The following COL26A1 variants were observed in gnomAD, a reference collection of about 807,000 sequenced individuals.
COL26A1 encodes the protein collagen type XXVI alpha 1 chain.
Under a neutral mutation model 59.3 loss-of-function variants are expected in COL26A1, and 41 were observed. The observed-to-expected ratio is 0.69, with a 90% CI of 0.54 to 0.90. COL26A1 has a LOEUF of 0.90. COL26A1 is among the 40% of genes least tolerant of loss of function. The probability of loss-of-function intolerance (pLI) is 0.00; values close to 1 mark genes in which losing one functional copy is unlikely to be tolerated. For synonymous variants in COL26A1, 266 were observed against 256.0 expected, an observed-to-expected ratio of 1.04 and a Z score of -0.37; for missense variants, 612 against 602.3, an observed-to-expected ratio of 1.02 and a Z score of -0.17.
At chr7:101,433,927 A>T (rs1283411749) in intron 2 of COL26A1, among the ~76,000 whole-genome samples, 1 of 152,112 alleles carries the variant, frequency 6.6e-6, no homozygotes, top group Non-Finnish European at 1.5e-5. Context: ...TGAGGTGCTC[A>T]ACAATGTTCA....
At chr7:101,383,880 G>A (rs1394959829) in intron 1 of COL26A1, among the ~76,000 whole-genome samples, 1 of 152,114 alleles carries the variant, frequency 6.6e-6, no homozygotes, top group South Asian at 2.1e-4. Context: ...ATGTTGGTCA[G>A]GCTGGTCTCA....
At chr7:101,386,072 G>A (rs1181704666) in intron 1 of COL26A1, among the ~76,000 whole-genome samples, 1 of 152,102 alleles carries the variant, frequency 6.6e-6, no homozygotes, top group Non-Finnish European at 1.5e-5. Context: ...TCAAAACCTT[G>A]TTGAGTTTCA....
intron 1 of COL26A1, among the ~76,000 whole-genome samples, chr7:101,401,536 GGAGGAA>G (rs1471834542): frequency 3.3e-5 from 5 of 150,114 alleles, no homozygotes; most frequent in Admixed American, 1.3e-4. Flanking sequence ...AAGAGAAGGA[GGAGGAA>G]GAGGAAGAGT....
intron 3 of COL26A1, among the ~76,000 whole-genome samples, chr7:101,528,901 C>T (rs949726180): frequency 6.6e-6 from 1 of 152,156 alleles, no homozygotes; most frequent in Non-Finnish European, 1.5e-5. Context: ...TGCTGTGGCT[C>T]ACGCCTGTCA....
At chr7:101,496,700 A>G (rs1329616084) in intron 3 of COL26A1, among the ~76,000 whole-genome samples, 1 of 152,166 alleles carries the variant, frequency 6.6e-6, no homozygotes, top group Non-Finnish European at 1.5e-5. Context: ...AGGCTGGCCA[A>G]CATGGCAAAA....
chr7:101,499,896 A>AAAAAAG (rs35819045), intron 3 of COL26A1, among the ~76,000 whole-genome samples: 1 of 141,172 alleles, frequency 7.1e-6, no homozygotes, highest in Non-Finnish European at 1.5e-5. Flanking sequence ...AAAAAAAAAA[A>AAAAAAG]CACCTTTGTT....
chr7:101,373,675 C>A (rs968066158), intron 1 of COL26A1, among the ~76,000 whole-genome samples: 1 of 152,126 alleles, frequency 6.6e-6, no homozygotes, highest in African/African-American at 2.4e-5. Context: ...TTTAGGGGAA[C>A]CATGGAGACT....
At chr7:101,506,518 C>G (rs114692424) in intron 3 of COL26A1, among the ~76,000 whole-genome samples, 1,536 of 152,342 alleles carry the variant, frequency 0.01, 35 homozygotes, top group African/African-American at 0.035. Flanking sequence ...CTCCAGGGAG[C>G]TGAGAGGGGC....
intron 2 of COL26A1, among the ~76,000 whole-genome samples, chr7:101,429,589 C>CTTTTTTTTTTATTTTTTTTT (rs1792729919): frequency 1.3e-5 from 1 of 78,700 alleles, no homozygotes; most frequent in Admixed American, 1.8e-4. Context: ...TTCTTTTTTA[C>CTTTTTTTTTTATTTTTTTTT]TTTTTTTTTT....
chr7:101,502,236 G>A, intron 3 of COL26A1, among the ~76,000 whole-genome samples: 1 of 152,172 alleles, frequency 6.6e-6, no homozygotes, highest in East Asian at 1.9e-4. Flanking sequence ...CAGCTACTCA[G>A]GAGGCTGAGG....
chr7:101,482,830 G>A (rs761662325), intron 3 of COL26A1, among the ~76,000 whole-genome samples: 2 of 152,176 alleles, frequency 1.3e-5, no homozygotes, highest in African/African-American at 2.4e-5. Context: ...GTTGGCACAC[G>A]CTTGTAATCC....
intron 1 of COL26A1, among the ~76,000 whole-genome samples, chr7:101,385,478 C>T (rs1791551560): frequency 6.6e-6 from 1 of 151,452 alleles, no homozygotes; most frequent in Non-Finnish European, 1.5e-5. Flanking sequence ...TCAAGTGATT[C>T]TCCTGCCTCA....
rs751175575 is a variant in COL26A1, at chr7:101,555,789, C to G, written c.1083C>G (p.Gly361=). 1 of 1,608,216 alleles carries G rather than the reference C, an allele frequency of 6.2e-7. No homozygotes were observed. The highest frequency in any genetic ancestry group is 2.2e-5 in the East Asian group (1 of 44,762). The change falls in exon 12 of 13, where the codon GGC becomes GGG. Residue 361 remains glycine, a splice_region_variant and synonymous_variant. Coordinates refer to ENST00000313669, the MANE Select transcript of COL26A1 (RefSeq NM_001278563.3). The part of the protein sequence containing the change: ...EEGEKAATAE[G]EGVQQLREAL... ...CCTGCCTGTTTCCTCCCCGCCAGGG[C>G]GAGGGGGTGCAGCAGCTGAGAGAGG...
chr7:101,497,360 G>A (rs535183332), intron 3 of COL26A1, among the ~76,000 whole-genome samples: 6 of 152,228 alleles, frequency 3.9e-5, no homozygotes, highest in Admixed American at 2.0e-4. Context: ...AAACCCAGGC[G>A]CTGGGCTGAG....
In COL26A1 at chr7:101,455,061, G is replaced by A. The variant is rs1163197552; in HGVS notation, c.385+7274G>A. ...TTTATCTTTTTTTTTTTTTTTTTTT[G>A]AGATAGAGTTCTGCTCTGTCACCCA... is the stretch of plus-strand genomic sequence containing the variant. On this transcript the variant is annotated intron_variant, in intron 3 of 12. Transcript: ENST00000313669. 4.2e-5 allele frequency among the ~76,000 whole-genome samples: 3 copies of A among 70,952 alleles called. No individual in the cohort carries two copies. In the South Asian group the frequency reaches 1.3e-3, roughly 32 times the overall value. 46.5% of individuals were successfully genotyped at this position (70,952 alleles called of 152,430 possible). A position where few individuals can be genotyped will look rare whatever the true frequency, so the allele number is the denominator to read the frequency against.
At chr7:101,499,411 G>A (rs528016586) in intron 3 of COL26A1, among the ~76,000 whole-genome samples, 4 of 152,070 alleles carry the variant, frequency 2.6e-5, no homozygotes, top group Admixed American at 6.5e-5. Context: ...GGCCGGGTGC[G>A]GTGGCTCACA....
chr7:101,533,138 G>A lies in COL26A1; in HGVS notation c.442G>A (p.Ala148Thr). The A allele has an allele frequency of 1.2e-6, 2 of 1,603,238 alleles. No homozygotes were observed. The highest frequency in any genetic ancestry group is 8.5e-7 in the Non-Finnish European group (1 of 1,176,150). The change falls in exon 4 of 13, where the codon GCC (alanine) becomes ACC (threonine). Residue 148 changes from alanine (A) to threonine (T), a missense_variant. Transcript: ENST00000313669. ...GAGTGAGCGACTGACCACACTGGAG[G>A]CCAAGGTCAGTCGGGCTGGGGAGTC... ...DMSERLTTLE[A>T]KVLLLEAAER...
At chr7:101,500,959 G>A (rs1445351805) in intron 3 of COL26A1, among the ~76,000 whole-genome samples, 3 of 151,380 alleles carry the variant, frequency 2.0e-5, no homozygotes, top group Admixed American at 1.3e-4. Context: ...CAAGGCGGGC[G>A]GATCACGAGG....
chr7:101,470,973 A>T (rs1440804151), intron 3 of COL26A1, among the ~76,000 whole-genome samples: 1 of 152,106 alleles, frequency 6.6e-6, no homozygotes, highest in Admixed American at 6.6e-5. Flanking sequence ...TATGAATAAC[A>T]AAACACACTC....
Sources: gnomAD v4.1 joint callset for allele counts (sites outside exome capture counted in the v4.1 genomes callset) on GRCh38, gnomAD v4.1.1 for gene constraint, MANE v1.5 for transcripts, NCBI Gene and HGNC (gene_info 2026-07-23, HGNC 2026-07-21) for gene names.